APP: variants seen among roughly 807,000 people sequenced by gnomAD.
The protein encoded by APP is amyloid beta precursor protein.
In APP, 31 loss-of-function variants were observed where a neutral mutation model predicts 101.4. That is an observed-to-expected ratio of 0.31 (90% CI 0.23 to 0.41). The LOEUF is 0.41. Ranked by LOEUF, APP falls within the 10% of genes least tolerant of loss-of-function variation. The pLI is 1.00. For missense variants in APP, 839 were observed against 1,003.7 expected (o/e 0.84, Z 2.22); for synonymous variants, 366 against 364.4 (o/e 1.00, Z -0.05).
At chr21:25,890,525 G>C (rs1237842704) in intron 17 of APP, among the ~76,000 whole-genome samples, 2 of 152,134 alleles carry the variant, frequency 1.3e-5, no homozygotes, top group Admixed American at 1.3e-4. Context: ...TGGATCACCT[G>C]AGGTCAGGAG....
intron 13 of APP, among the ~76,000 whole-genome samples, chr21:25,925,927 G>C (rs2039875881): frequency 6.6e-6 from 1 of 152,174 alleles, no homozygotes; most frequent in Admixed American, 6.5e-5. Context: ...ACAGAGCAAG[G>C]CTCTGTCTCA....
chr21:25,959,538 T>C (rs1326414185), intron 11 of APP, among the ~76,000 whole-genome samples: 4 of 152,252 alleles, frequency 2.6e-5, no homozygotes, highest in South Asian at 2.1e-4. Flanking sequence ...TTTTTACAAG[T>C]GCAGGTAATA....
Position 25,911,826 on chromosome 21 carries a change from G to T in APP, c.1824C>A (p.Pro608=). 6.2e-7 allele frequency: 1 copy of T among 1,614,154 alleles called. No individual in the cohort carries two copies. Among genetic ancestry groups the T allele is most frequent in the Admixed American group, 1.7e-5 (1 of 60,020 alleles). Reference sequence around the variant, plus strand: ...CGTCCAGGCTGAACTCTCCATTCACGGGAAGGAGCTCCACGGTGGTTTTCG... The same window carrying T: ...CGTCCAGGCTGAACTCTCCATTCACTGGAAGGAGCTCCACGGTGGTTTTCG... The part of the protein sequence containing the change: ...TETKTTVELL[P]VNGEFSLDDL... Residue 608 remains proline, a synonymous_variant, in exon 14 of 18, where the codon CCC becomes CCA. Coordinates refer to ENST00000346798, the MANE Select transcript of APP (RefSeq NM_000484.4).
At chr21:26,170,940 G>A, upstream of APP, 1 of 260,478 alleles carries the variant, frequency 3.8e-6, no homozygotes, top group Admixed American at 5.5e-5. Flanking sequence ...CCTTGGCGCC[G>A]CCTGCACCCC....
intron 17 of APP, among the ~76,000 whole-genome samples, chr21:25,887,517 G>GAAAAAAAAAAAA (rs199637906): frequency 1.7e-5 from 2 of 114,446 alleles, no homozygotes; most frequent in Non-Finnish European, 3.5e-5. Context: ...CTGCTTATTT[G>GAAAAAAAAAAAA]AAAAAAAAAA....
At chr21:25,914,867 T>C (rs1441878590) in intron 13 of APP, among the ~76,000 whole-genome samples, 1 of 152,166 alleles carries the variant, frequency 6.6e-6, no homozygotes, top group Non-Finnish European at 1.5e-5. Flanking sequence ...CCTGGGCTTC[T>C]CAGCCTCCAG....
At chr21:25,897,057 C>T (rs2038099228) in intron 16 of APP, among the ~76,000 whole-genome samples, 2 of 152,162 alleles carry the variant, frequency 1.3e-5, no homozygotes, top group African/African-American at 4.8e-5. Flanking sequence ...ATTAATTCCA[C>T]TTTAAGTCCC....
intron 1 of APP, among the ~76,000 whole-genome samples, chr21:26,127,593 G>A (rs539736379): frequency 3.3e-5 from 5 of 152,298 alleles, no homozygotes; most frequent in South Asian, 2.1e-4. Flanking sequence ...AGCTGGGTCA[G>A]GGTCACTGTA....
intron 5 of APP, among the ~76,000 whole-genome samples, chr21:26,041,119 A>T (rs563704044): frequency 6.6e-6 from 1 of 152,322 alleles, no homozygotes; most frequent in South Asian, 2.1e-4. Flanking sequence ...ACAAACATGG[A>T]CTTATAATTT....
At chr21:26,055,780 G>A (rs920414197) in intron 3 of APP, among the ~76,000 whole-genome samples, 8 of 152,168 alleles carry the variant, frequency 5.3e-5, no homozygotes, top group Non-Finnish European at 7.4e-5. Flanking sequence ...AGGTCAAAGA[G>A]TTTAAAAAAT....
At chr21:26,159,380 T>G (rs2063443798) in intron 1 of APP, among the ~76,000 whole-genome samples, 1 of 152,180 alleles carries the variant, frequency 6.6e-6, no homozygotes, top group Non-Finnish European at 1.5e-5. Context: ...CACCAGGCCA[T>G]AAATTAGTAA....
At chr21:26,125,397 T>A (rs2062661343) in intron 1 of APP, among the ~76,000 whole-genome samples, 1 of 152,244 alleles carries the variant, frequency 6.6e-6, no homozygotes, top group Non-Finnish European at 1.5e-5. Context: ...ATTATTATCT[T>A]GTTCTTTATT....
At chr21:26,130,722 G>A (rs907576900) in intron 1 of APP, among the ~76,000 whole-genome samples, 2 of 152,180 alleles carry the variant, frequency 1.3e-5, no homozygotes, top group African/African-American at 4.8e-5. Context: ...GATGCGTCAG[G>A]TCTGGACAGC....
chr21:26,006,447 C>T (rs10084571), intron 6 of APP, among the ~76,000 whole-genome samples: 2,228 of 152,278 alleles, frequency 0.015, 56 homozygotes, highest in African/African-American at 0.05. Context: ...TAAAACTCCA[C>T]GCATTTTATC....
chr21:26,114,315 C>A (rs941108502), intron 1 of APP, among the ~76,000 whole-genome samples: 14 of 152,118 alleles, frequency 9.2e-5, no homozygotes, highest in African/African-American at 2.9e-4. Flanking sequence ...CCAAGAAGGC[C>A]CCCAATAGTC....
intron 2 of APP, among the ~76,000 whole-genome samples, chr21:26,093,857 T>C (rs2061880602): frequency 6.6e-6 from 1 of 152,116 alleles, no homozygotes; most frequent in African/African-American, 2.4e-5. Context: ...GGCACACACC[T>C]GTAATCCCAG....
chr21:25,926,367 C>A (rs1335264850), intron 13 of APP, among the ~76,000 whole-genome samples: 5 of 152,152 alleles, frequency 3.3e-5, no homozygotes, highest in Admixed American at 1.3e-4. Flanking sequence ...TGGGAGAGAA[C>A]CCATGAGATC....
At chr21:25,989,586 A>G (rs961625161) in intron 8 of APP, among the ~76,000 whole-genome samples, 1 of 152,222 alleles carries the variant, frequency 6.6e-6, no homozygotes, top group Non-Finnish European at 1.5e-5. Context: ...TATGAATGGC[A>G]TTCAGTCGAT....
chr21:25,982,115 T>C (rs2042455627), intron 9 of APP, among the ~76,000 whole-genome samples: 1 of 152,220 alleles, frequency 6.6e-6, no homozygotes, highest in Admixed American at 6.5e-5. Context: ...ACAGACATCA[T>C]TTAATTTGTG....
Sources: allele counts gnomAD v4.1 joint callset (sites outside exome capture counted in the v4.1 genomes callset), GRCh38; gene constraint gnomAD v4.1.1; transcripts MANE v1.5; gene names NCBI Gene and HGNC (gene_info 2026-07-23, HGNC 2026-07-21).